The following ADCY9 variants were observed in gnomAD, a reference collection of about 807,000 sequenced individuals.
ADCY9 encodes the protein adenylate cyclase 9, also known as adenylate cyclase type 9.
Under a neutral mutation model 101.5 loss-of-function variants are expected in ADCY9, and 50 were observed. The observed-to-expected ratio is 0.49, with a 90% CI of 0.39 to 0.62. The LOEUF is 0.62. Ranked by LOEUF, ADCY9 falls within the 20% of genes least tolerant of loss-of-function variation. The pLI is 0.00. For synonymous variants in ADCY9, 905 were observed against 769.3 expected, an observed-to-expected ratio of 1.18 and a Z score of -2.92; for missense variants, 1,662 against 1,800.4, an observed-to-expected ratio of 0.92 and a Z score of 1.39.
chr16:3,991,985 C>T (rs1286529115), intron 5 of ADCY9, among the ~76,000 whole-genome samples, 161 bp downstream of exon 5: 1 of 150,472 alleles, frequency 6.6e-6, no homozygotes, highest in Admixed American at 6.6e-5. Context: ...GCAGGAGCAT[C>T]GTTTGAACCT....
intron 2 of ADCY9, among the ~76,000 whole-genome samples, chr16:4,097,605 G>A (rs1368341519): frequency 1.5e-5 from 2 of 136,082 alleles, no homozygotes; most frequent in African/African-American, 2.7e-5. Flanking sequence ...CCAGGCTGGA[G>A]TGCAGGGGCG....
At chr16:3,998,058 C>A (rs967014891) in intron 3 of ADCY9, among the ~76,000 whole-genome samples, 3 of 152,170 alleles carry the variant, frequency 2.0e-5, no homozygotes, top group South Asian at 2.1e-4. Context: ...TGTGCCACTG[C>A]ACTCCAGCCT....
At chr16:4,034,854 T>C (rs1357144063) in intron 2 of ADCY9, among the ~76,000 whole-genome samples, 1 of 152,148 alleles carries the variant, frequency 6.6e-6, no homozygotes, top group African/African-American at 2.4e-5. Flanking sequence ...CTGTGGACCT[T>C]GCCGGCTGGA....
intron 2 of ADCY9, among the ~76,000 whole-genome samples, chr16:4,025,971 G>C (rs568977394): frequency 1.6e-3 from 250 of 152,266 alleles, no homozygotes; most frequent in Non-Finnish European, 3.0e-3. Flanking sequence ...GCTGACAGTG[G>C]GCGCTGGCTC....
intron 2 of ADCY9, among the ~76,000 whole-genome samples, chr16:4,102,050 T>C (rs1320511664): frequency 6.6e-6 from 1 of 152,208 alleles, no homozygotes; most frequent in African/African-American, 2.4e-5. Flanking sequence ...GTTTCGGTAC[T>C]GAACGACACA....
chr16:4,015,489 G>A (rs191185031), intron 2 of ADCY9: 16 of 152,434 alleles, frequency 1.0e-4, no homozygotes, highest in Admixed American at 9.2e-4. Flanking sequence ...CCCACCAGGT[G>A]CTATCGCTGT....
intron 9 of ADCY9, among the ~76,000 whole-genome samples, chr16:3,976,993 G>A (rs1223505956): frequency 6.6e-6 from 1 of 152,120 alleles, no homozygotes; most frequent in African/African-American, 2.4e-5. Flanking sequence ...CAGGTGACTT[G>A]CAAGATCATC....
At chr16:4,111,400 C>G (rs2057113019) in intron 2 of ADCY9, among the ~76,000 whole-genome samples, 1 of 152,190 alleles carries the variant, frequency 6.6e-6, no homozygotes, top group South Asian at 2.1e-4. Flanking sequence ...TCTCCTGCCT[C>G]AGCCTCCCGT....
intron 2 of ADCY9, among the ~76,000 whole-genome samples, chr16:4,106,258 G>C (rs2057076218): frequency 6.6e-6 from 1 of 152,188 alleles, no homozygotes; most frequent in Admixed American, 6.5e-5. Flanking sequence ...GGCTGGTGTG[G>C]TTCACTGGGT....
chr16:3,982,839 C>T (rs1262370967), intron 7 of ADCY9: 2 of 202,354 alleles, frequency 9.9e-6, no homozygotes, highest in Non-Finnish European at 2.0e-5. Flanking sequence ...CGTGGAGATG[C>T]TGTTTGGCTC....
intron 2 of ADCY9, among the ~76,000 whole-genome samples, chr16:4,099,396 G>A (rs1244275906): frequency 6.6e-6 from 1 of 152,102 alleles, no homozygotes; most frequent in Non-Finnish European, 1.5e-5. Flanking sequence ...TTTCTTGGGT[G>A]GCATTATTTC....
chr16:4,104,789 G>A (rs906101734), intron 2 of ADCY9, among the ~76,000 whole-genome samples: 3 of 152,132 alleles, frequency 2.0e-5, no homozygotes, highest in East Asian at 1.9e-4. Context: ...AAAATTCAGC[G>A]AACACACTTA....
chr16:3,994,882 A>C (rs931779157), intron 3 of ADCY9, among the ~76,000 whole-genome samples: 2 of 152,238 alleles, frequency 1.3e-5, no homozygotes, highest in South Asian at 4.1e-4. Context: ...ATGGTGAGCT[A>C]GTCTCATAAG....
chr16:4,102,593 T>C (rs2057050507), intron 2 of ADCY9, among the ~76,000 whole-genome samples: 3 of 152,070 alleles, frequency 2.0e-5, no homozygotes, highest in Admixed American at 2.0e-4. Context: ...GCCTGGCTAA[T>C]TTTGTGTTTT....
At chr16:4,037,153 C>CA (rs2056595657) in intron 2 of ADCY9, among the ~76,000 whole-genome samples, 1 of 151,756 alleles carries the variant, frequency 6.6e-6, no homozygotes, top group Non-Finnish European at 1.5e-5. Flanking sequence ...CCCATGTCTA[C>CA]AAAAAATAAA....
chr16:4,006,161 T>A (rs889226651), intron 3 of ADCY9, among the ~76,000 whole-genome samples: 4 of 152,192 alleles, frequency 2.6e-5, no homozygotes, highest in Non-Finnish European at 5.9e-5. Flanking sequence ...GAGACATTTT[T>A]GGTTGGCACA....
intron 2 of ADCY9, among the ~76,000 whole-genome samples, chr16:4,075,353 A>C (rs2056860404): frequency 1.3e-5 from 2 of 152,238 alleles, no homozygotes; most frequent in South Asian, 4.1e-4. Flanking sequence ...TGGCCAGGCT[A>C]GTCTCGAACT....
Position 3,965,849 on chromosome 16 carries a change from T to G in ADCY9, c.3988A>C (p.Lys1330Gln), listed in dbSNP as rs997578740. Residue 1330 changes from lysine to glutamine, a missense_variant, in exon 11 of 11, where the codon AAA (lysine) becomes CAA (glutamine). Around this residue, in one of 5 missense-constraint regions of ADCY9, gnomAD observed 168 missense variants for 155.3 expected, o/e 1.08. Coordinates refer to ENST00000294016, the MANE Select transcript of ADCY9 (RefSeq NM_001116.4). Reference protein sequence around the residue: ...ERGRFGKAIEKDDCDETGIEE... With the variant: ...ERGRFGKAIEQDDCDETGIEE... Reference sequence around the variant, plus strand: ...ATTCCTGTTTCGTCACAGTCGTCTTTCTCTATGGCTTTGCCAAATCGACCC... The same window carrying G: ...ATTCCTGTTTCGTCACAGTCGTCTTGCTCTATGGCTTTGCCAAATCGACCC... The G allele has an allele frequency of 5.6e-6, 9 of 1,614,202 alleles. No individual in the cohort carries two copies. The highest frequency in any genetic ancestry group is 7.6e-6 in the Non-Finnish European group (9 of 1,180,052).
chr16:4,102,997 C>T (rs967026802), intron 2 of ADCY9, among the ~76,000 whole-genome samples: 1 of 152,258 alleles, frequency 6.6e-6, no homozygotes, highest in African/African-American at 2.4e-5. Context: ...GCTGGTATTA[C>T]AGGCACGAGC....
Sources: gnomAD v4.1 joint callset for allele counts (sites outside exome capture counted in the v4.1 genomes callset) on GRCh38, gnomAD v4.1.1 for gene constraint, gnomAD v4.1.1 regional missense constraint, MANE v1.5 for transcripts, NCBI Gene and HGNC (gene_info 2026-07-23, HGNC 2026-07-21) for gene names.